Variants in NUTM2G observed in about 807,000 individuals in gnomAD.
NUTM2G encodes the protein NUT family member 2G.
Under a neutral mutation model 44.3 loss-of-function variants are expected in NUTM2G, and 29 were observed. That is an observed-to-expected ratio of 0.66 (90% CI 0.49 to 0.89). The LOEUF (loss-of-function observed/expected upper bound fraction) is 0.89. Ranked by LOEUF, NUTM2G falls within the 40% of genes least tolerant of loss-of-function variation. NUTM2G has a pLI of 0.00. For missense variants in NUTM2G, 502 were observed against 946.5 expected, an observed-to-expected ratio of 0.53 and a Z score of 6.16; for synonymous variants, 205 against 395.9, an observed-to-expected ratio of 0.52 and a Z score of 5.72.
downstream of NUTM2G, among the ~76,000 whole-genome samples, chr9:96,940,797 C>A (rs1826572526): frequency 6.6e-6 from 1 of 152,242 alleles, no homozygotes; most frequent in African/African-American, 2.4e-5. Flanking sequence ...GCCCCATCTG[C>A]CCACAGAACA....
intron 1 of NUTM2G, among the ~76,000 whole-genome samples, chr9:96,930,043 C>T (rs1826189382): frequency 6.6e-6 from 1 of 152,260 alleles, no homozygotes; most frequent in African/African-American, 2.4e-5. Context: ...CCTTATTCCC[C>T]TTGGCTAGAG....
chr9:96,936,638 C>G, intron 4 of NUTM2G, 74 bp downstream of exon 4: 1 of 1,510,292 alleles, frequency 6.6e-7, no homozygotes, highest in Non-Finnish European at 8.8e-7. Flanking sequence ...GTCCCCACAT[C>G]CCATGCTTCC....
chr9:96,931,634 C>G, intron 1 of NUTM2G, 88 bp from the exon 2 acceptor site: 1 of 1,466,744 alleles, frequency 6.8e-7, no homozygotes, highest in East Asian at 2.4e-5. Context: ...GTCACATGCC[C>G]TCAGCTGTTG....
chr9:96,929,247 T>C (rs1195394970), intron 1 of NUTM2G, among the ~76,000 whole-genome samples: 1 of 152,098 alleles, frequency 6.6e-6, no homozygotes, highest in Non-Finnish European at 1.5e-5. Flanking sequence ...CCAAGATGCC[T>C]GGGGGAATAC....
Position 96,929,373 on chromosome 9 carries a change from A to G in NUTM2G, c.16+333A>G, listed in dbSNP as rs538886284. 3.3e-5 allele frequency among the ~76,000 whole-genome samples: 5 copies of G among 151,892 alleles called. No individual in the cohort carries two copies. In the South Asian group the frequency reaches 1.0e-3, roughly 32 times the overall value. On this transcript the variant is annotated intron_variant, in intron 1 of 6. Transcript: ENST00000372322. ...GTGTTGTGCTGGTGGCCCAGGGAGA[A>G]TGACGGGCAAGCCTGAGCCCTGTGC...
At chr9:96,933,759 A>G in intron 2 of NUTM2G, 1 of 152,994 alleles carries the variant, frequency 6.5e-6, no homozygotes, top group Non-Finnish European at 1.5e-5. Flanking sequence ...GGCTGGGGGG[A>G]GGAGCTGCAG....
chr9:96,935,461 G>C lies in NUTM2G; in HGVS notation c.842+5G>C. On this transcript the variant is annotated splice_donor_5th_base_variant and intron_variant, in intron 3 of 6. Coordinates refer to ENST00000372322, the MANE Select transcript of NUTM2G (RefSeq NM_001170741.3). The stretch of plus-strand genomic sequence containing the variant: ...TTTCTACGAGATGGCGGCAAAGTGA[G>C]TCTGGGGTCCTGGGGGCAGGGCCCG... 1 of 1,612,068 alleles carries C rather than the reference G, an allele frequency of 6.2e-7. No individual in the cohort carries two copies. Among genetic ancestry groups the C allele is most frequent in the Non-Finnish European group, 8.5e-7 (1 of 1,179,866 alleles).
intron 3 of NUTM2G, 84 bp downstream of exon 3, chr9:96,935,540 G>A: frequency 6.2e-7 from 1 of 1,610,752 alleles, no homozygotes; most frequent in South Asian, 1.1e-5. Context: ...TGGCTTCTCA[G>A]CGTGGAGCAT....
chr9:96,940,687 T>C (rs1470388126), downstream of NUTM2G, among the ~76,000 whole-genome samples: 353 of 148,908 alleles, frequency 2.4e-3, no homozygotes, highest in African/African-American at 8.4e-3. Context: ...GTGCTGGGAG[T>C]TGGCCCAGCA....
rs375671232 is a variant in NUTM2G at position 96,937,336 on chromosome 9, A to T, written c.1255A>T (p.Met419Leu). 1 of 1,613,934 alleles carries T rather than the reference A, an allele frequency of 6.2e-7. No homozygotes were observed. The highest frequency in any genetic ancestry group is 8.5e-7 in the Non-Finnish European group (1 of 1,179,872). ...GGAGCAGCCGCAGGAAGAGGACGGG[A>T]TGACCTCAGACCCGGGCCTCCTGAG... is the stretch of plus-strand genomic sequence containing the variant. ...KVEQPQEEDG[M>L]TSDPGLLSYI... Residue 419 changes from methionine (M) to leucine (L), a missense_variant, in exon 5 of 7, where the codon ATG (methionine) becomes TTG (leucine). Coordinates refer to ENST00000372322, the MANE Select transcript of NUTM2G (RefSeq NM_001170741.3).
Position 96,935,540 on chromosome 9 carries a change from G to T in NUTM2G, c.842+84G>T, listed in dbSNP as rs1826401751. 8.1e-6 allele frequency: 13 copies of T among 1,610,632 alleles called. No individual in the cohort carries two copies. In the South Asian group the frequency reaches 1.2e-4, roughly 15 times the overall value. ...GCCCGGTGGCCGTGGTGGCTTCTCA[G>T]CGTGGAGCATGAGGAGGGTGTGGAC... On this transcript the variant is annotated intron_variant, in intron 3 of 6. Transcript: ENST00000372322.
At chr9:96,934,190 C>T (rs1254271105) in intron 2 of NUTM2G, among the ~76,000 whole-genome samples, 1 of 152,146 alleles carries the variant, frequency 6.6e-6, no homozygotes, top group African/African-American at 2.4e-5. Context: ...ACATCAGCAT[C>T]TGGGAGAGTT....
At position 96,935,350 on chromosome 9, in the gene NUTM2G, C is replaced by A. The variant is rs762971415; in HGVS notation, c.736C>A (p.Arg246=). The A allele has an allele frequency of 2.5e-6, 4 of 1,611,980 alleles. No homozygotes were observed. Among genetic ancestry groups the A allele is most frequent in the Middle Eastern group, 2.3e-4 (1 of 4,430 alleles). The change falls in exon 3 of 7, where the codon CGG becomes AGG. Residue 246 remains arginine (R), a synonymous_variant. Coordinates refer to ENST00000372322, the MANE Select transcript of NUTM2G (RefSeq NM_001170741.3). ...FLIPVLRSLA[R]RKPTMTLEEG... is the part of the protein sequence containing the mutation. ...CAGCCCAGTTCTCCGATCCCTGGCC[C>A]GGCGGAAGCCCACCATGACGCTGGA...
chr9:96,935,770 G>C (rs916780397), intron 3 of NUTM2G, among the ~76,000 whole-genome samples: 3 of 152,190 alleles, frequency 2.0e-5, no homozygotes, highest in African/African-American at 7.2e-5. Context: ...ATGGGAAGAA[G>C]GGGCGCTAGT....
At chr9:96,942,851 G>C (rs1826627327), downstream of NUTM2G, 1 of 151,856 alleles carries the variant, frequency 6.6e-6, no homozygotes, top group African/African-American at 2.4e-5. Flanking sequence ...ATAAATGTAA[G>C]TGGATGGTTA....
rs551857860 is a variant in NUTM2G at position 96,935,339 on chromosome 9, G to A, written c.725G>A (p.Arg242Gln). ...ALSCFLIPVL[R>Q]SLARRKPTMT... is the part of the protein sequence containing the mutation. ...GCACTGGTTTACAGCCCAGTTCTCC[G>A]ATCCCTGGCCCGGCGGAAGCCCACC... Residue 242 changes from arginine (R) to glutamine (Q), a missense_variant, in exon 3 of 7, where the codon CGA becomes CAA. Arg to Gln is a conservative substitution (Grantham distance 43). Coordinates refer to ENST00000372322, the MANE Select transcript of NUTM2G (RefSeq NM_001170741.3). 44 of 1,612,006 alleles carry A rather than the reference G, an allele frequency of 2.7e-5. No homozygotes were observed. The highest frequency in any genetic ancestry group is 3.5e-5 in the Non-Finnish European group (41 of 1,179,858).
intron 6 of NUTM2G, 119 bp downstream of exon 6, chr9:96,938,120 A>G (rs1826502001): frequency 9.7e-7 from 1 of 1,036,148 alleles, no homozygotes. Context: ...TTGGGGAGCC[A>G]CTCCGGGGTG....
intron 6 of NUTM2G, 83 bp downstream of exon 6, chr9:96,938,084 C>A: frequency 1.3e-6 from 2 of 1,569,164 alleles, no homozygotes; most frequent in Non-Finnish European, 1.8e-6. Context: ...CTGTCTAAGC[C>A]CACCCTGCTG....
Position 96,937,978 on chromosome 9 carries a change from G to T in NUTM2G, c.1417G>T (p.Glu473Ter). The T allele has an allele frequency of 6.2e-7, 1 of 1,612,244 alleles. No individual in the cohort carries two copies. The highest frequency in any genetic ancestry group is 1.1e-5 in the South Asian group (1 of 90,984). Residue 473 changes from glutamate (E) to a stop codon, truncating the protein, a stop_gained, in exon 6 of 7, where the codon GAG becomes TAG. Transcript: ENST00000372322. LOFTEE classifies it low-confidence loss of function (END_TRUNC). ...FLALSQELEQ[E>*]EGLTLAQLVE... Reference sequence around the variant, plus strand: ...GGCCCTAAGCCAGGAGCTGGAGCAGGAGGAAGGACTCACCCTTGCCCAGGT... The same window carrying T: ...GGCCCTAAGCCAGGAGCTGGAGCAGTAGGAAGGACTCACCCTTGCCCAGGT...
Sources: allele counts gnomAD v4.1 joint callset (sites outside exome capture counted in the v4.1 genomes callset), GRCh38; gene constraint gnomAD v4.1.1; transcripts MANE v1.5; gene names NCBI Gene and HGNC (gene_info 2026-07-23, HGNC 2026-07-21).